IP6K2: variants seen among roughly 807,000 people sequenced by gnomAD.
IP6K2 encodes the protein ATP:1D-myo-inositol-hexakisphosphate phosphotransferase.
IP6K2 carries 9 observed loss-of-function variants against 43.3 expected under a neutral mutation model. The ratio of observed to expected loss-of-function variants is 0.21; its 90% CI spans 0.13 to 0.36. The LOEUF (loss-of-function observed/expected upper bound fraction) is 0.36. IP6K2 is among the 10% of genes least tolerant of loss of function. IP6K2 has a pLI of 1.00. For missense variants in IP6K2, 332 were observed against 538.4 expected (o/e 0.62, Z 3.79); for synonymous variants, 209 against 202.4 (o/e 1.03, Z -0.28).
intron 1 of IP6K2, among the ~76,000 whole-genome samples, chr3:48,701,410 T>C (rs1365958396): frequency 6.7e-6 from 1 of 150,294 alleles, no homozygotes; most frequent in Non-Finnish European, 1.5e-5. Context: ...CTACTAAAAA[T>C]ACAAAAAGTA....
chr3:48,693,566 C>A (rs1180798230), intron 2 of IP6K2: 5 of 1,192,468 alleles, frequency 4.2e-6, no homozygotes, highest in Non-Finnish European at 5.3e-6. Flanking sequence ...GAAACTCCAA[C>A]AGCCTCATGG....
intron 1 of IP6K2, among the ~76,000 whole-genome samples, chr3:48,709,484 CAG>C (rs936946176): frequency 6.6e-6 from 1 of 152,170 alleles, no homozygotes; most frequent in African/African-American, 2.4e-5. Flanking sequence ...TGAGTGCAGT[CAG>C]TGTTCTTCCA....
At chr3:48,694,704 G>C in intron 2 of IP6K2, 2 of 1,504,374 alleles carry the variant, frequency 1.3e-6, no homozygotes, top group South Asian at 1.3e-5. Flanking sequence ...CTAATTACCC[G>C]GGCTTCTGGT....
Position 48,709,889 on chromosome 3 carries a change from T to C in IP6K2, c.-131+7268A>G, listed in dbSNP as rs992232905. Among the ~76,000 whole-genome samples the C allele has an allele frequency of 1.7e-4, 26 of 151,814 alleles. No individual in the cohort carries two copies. In the Middle Eastern group the frequency reaches 0.01, roughly 60 times the overall value. Reference sequence around the variant, plus strand: ...AAAAAGACTGCACCAGTCACAGCACTATGTCCTAATAAAGAGACACCTGCC... The same window carrying C: ...AAAAAGACTGCACCAGTCACAGCACCATGTCCTAATAAAGAGACACCTGCC... On this transcript the variant is annotated intron_variant, in intron 1 of 5. Coordinates refer to ENST00000328631, the MANE Select transcript of IP6K2 (RefSeq NM_016291.4).
rs1278023052 is a variant in IP6K2 at position 48,688,862 on chromosome 3, C to T, written c.781-89G>A. 9 of 1,367,552 alleles carry T rather than the reference C, an allele frequency of 6.6e-6. No individual in the cohort carries two copies. The highest frequency in any genetic ancestry group is 9.0e-6 in the Non-Finnish European group (9 of 1,002,128). The allele number at this position is 1,367,552 out of a possible 1,614,324, so 84.7% of individuals were successfully genotyped here. A position where few individuals can be genotyped will look rare whatever the true frequency, so the allele number is the denominator to read the frequency against. ...GGGTGGGGTGGTGTGGTGGTGGCGGCATGTGACAGCCCAGATCAGATAAAG... is the reference window on the plus strand; with the variant it reads ...GGGTGGGGTGGTGTGGTGGTGGCGGTATGTGACAGCCCAGATCAGATAAAG... On this transcript the variant is annotated intron_variant, in intron 5 of 5. Transcript: ENST00000328631. The surrounding 1 kb of genome is among the most constrained non-coding windows in gnomAD (Gnocchi z 5.1).
chr3:48,689,316 C>A (rs2077578533), intron 5 of IP6K2, among the ~76,000 whole-genome samples: 1 of 152,158 alleles, frequency 6.6e-6, no homozygotes, highest in Admixed American at 6.5e-5. Flanking sequence ...CCACGCCCAG[C>A]CAATTTTTGT....
In IP6K2 at chr3:48,688,115, A is replaced by G; in HGVS notation, c.*158T>C. 1 of 712,044 alleles carries G rather than the reference A, an allele frequency of 1.4e-6. No homozygotes were observed. Among genetic ancestry groups the G allele is most frequent in the African/African-American group, 1.8e-5 (1 of 56,658 alleles). 44.1% of individuals were successfully genotyped at this position (712,044 alleles called of 1,614,324 possible). ...GTTAAAATAAATAAAGACTCCAAGC[A>G]CAGCTGGGACTGGCTCAGGCTGGGG... On this transcript the variant is annotated 3_prime_UTR_variant, in exon 6 of 6. Coordinates refer to ENST00000328631, the MANE Select transcript of IP6K2 (RefSeq NM_016291.4). This position sits in a 1 kb window ranked among gnomAD's most constrained non-coding sequence, Gnocchi z 5.1.
At chr3:48,691,101 C>A (rs912698717) in intron 4 of IP6K2, among the ~76,000 whole-genome samples, 7 of 152,208 alleles carry the variant, frequency 4.6e-5, no homozygotes, top group African/African-American at 9.6e-5. Context: ...TACCCCACTC[C>A]TCATCATCTG....
intron 3 of IP6K2, 120 bp from the exon 4 acceptor site, chr3:48,691,602 G>C (rs912752501): frequency 1.5e-6 from 1 of 669,252 alleles, no homozygotes; most frequent in Non-Finnish European, 2.5e-6. Flanking sequence ...GATCACTTGA[G>C]ATCAGGAGTT....
At chr3:48,689,786 G>A in intron 4 of IP6K2, 73 bp from the exon 5 acceptor site, 3 of 1,333,334 alleles carry the variant, frequency 2.3e-6, no homozygotes, top group South Asian at 2.5e-5. Context: ...AAGGTACAGT[G>A]CCTTGATGCA....
At position 48,688,259 on chromosome 3, in the gene IP6K2, A is replaced by G. The variant is rs2077501964; in HGVS notation, c.*14T>C. On this transcript the variant is annotated 3_prime_UTR_variant, in exon 6 of 6. Transcript: ENST00000328631. This position sits in a 1 kb window ranked among gnomAD's most constrained non-coding sequence, Gnocchi z 5.1. ...ACACAGAGTCGCTCTCAAGTACTGG[A>G]GCAGCTAGCAAGCTCACTCCCCACT... The G allele has an allele frequency of 6.2e-7, 1 of 1,610,442 alleles. No individual in the cohort carries two copies.
chr3:48,691,778 G>A (rs143202500), intron 3 of IP6K2, among the ~76,000 whole-genome samples: 35 of 151,884 alleles, frequency 2.3e-4, no homozygotes, highest in African/African-American at 8.2e-4. Flanking sequence ...TCCAGAGCCT[G>A]GGCAACAGAA....
intron 1 of IP6K2, among the ~76,000 whole-genome samples, chr3:48,703,578 A>T (rs2106935405): frequency 6.6e-6 from 1 of 151,172 alleles, no homozygotes; most frequent in East Asian, 1.9e-4. Context: ...TTAGCCAGGC[A>T]TGGTGGCAGG....
intron 1 of IP6K2, among the ~76,000 whole-genome samples, chr3:48,707,581 T>C (rs1313801037): frequency 1.3e-5 from 2 of 152,124 alleles, no homozygotes; most frequent in African/African-American, 2.4e-5. Context: ...ATTACAGGCA[T>C]GCGCCACCAC....
At chr3:48,694,640 C>A in intron 2 of IP6K2, 1 of 1,513,576 alleles carries the variant, frequency 6.6e-7, no homozygotes, top group Non-Finnish European at 8.8e-7. Flanking sequence ...GGCTAATCAG[C>A]ACAGGCCTCC....
chr3:48,702,571 G>A (rs937196361), intron 1 of IP6K2, among the ~76,000 whole-genome samples: 2 of 152,026 alleles, frequency 1.3e-5, no homozygotes, highest in Non-Finnish European at 2.9e-5. Flanking sequence ...AGCCTCCTGA[G>A]CAGCTCTGAC....
At chr3:48,715,317 C>G in intron 1 of IP6K2, 2 of 1,536,156 alleles carry the variant, frequency 1.3e-6, no homozygotes, top group Non-Finnish European at 1.7e-6. Context: ...ATTTTCACCT[C>G]AGTAAGCTGG....
intron 2 of IP6K2, chr3:48,694,681 C>T (rs2078118779): frequency 1.3e-6 from 2 of 1,504,768 alleles, no homozygotes; most frequent in Non-Finnish European, 1.8e-6. Context: ...CTCAACGCTG[C>T]TCCCCGGCCT....
chr3:48,710,842 C>CT (rs1266439228), intron 1 of IP6K2, among the ~76,000 whole-genome samples: 1 of 152,174 alleles, frequency 6.6e-6, no homozygotes, highest in Admixed American at 6.5e-5. Flanking sequence ...ATCTCCTGAC[C>CT]TCGTGATCCA....
Sources: allele counts gnomAD v4.1 joint callset (sites outside exome capture counted in the v4.1 genomes callset), GRCh38; gene constraint gnomAD v4.1.1; non-coding constraint Gnocchi (gnomAD v3.1); transcripts MANE v1.5; gene names NCBI Gene and HGNC (gene_info 2026-07-23, HGNC 2026-07-21).